NDUFS1: variants seen among roughly 807,000 people sequenced by gnomAD.
NDUFS1 encodes NADH:ubiquinone oxidoreductase core subunit S1, also known as NADH-ubiquinone oxidoreductase 75 kDa subunit, mitochondrial.
A neutral mutation model predicts 84.4 loss-of-function variants in NDUFS1; 61 were observed. The observed-to-expected ratio is 0.72, with a 90% confidence interval of 0.59 to 0.89. The LOEUF is 0.89. Among genes scored for constraint, NDUFS1 ranks in the 40% least tolerant of loss-of-function variants. NDUFS1 has a pLI of 0.00. For missense variants in NDUFS1, 891 were observed against 890.0 expected, an observed-to-expected ratio of 1.00 and a Z score of -0.01; for synonymous variants, 275 against 290.0, an observed-to-expected ratio of 0.95 and a Z score of 0.53.
At chr2:206,147,225 A>G in intron 7 of NDUFS1, 137 bp from the exon 8 acceptor site, 1 of 907,744 alleles carries the variant, frequency 1.1e-6, no homozygotes, top group Non-Finnish European at 1.7e-6. Context: ...CAGTCCTAGA[A>G]TAAAAAATAA....
In NDUFS1 at chr2:206,152,516, C is replaced by T. The variant is rs1692410893; in HGVS notation, c.62-6G>A. On this transcript the variant is annotated splice_region_variant and splice_polypyrimidine_tract_variant and intron_variant, in intron 2 of 18. Transcript: ENST00000233190. Reference sequence around the variant, plus strand: ...TGCTGTGGCAGTTGTTCGAACTGACCATCAAAGATATTGAAGCGAAAAACA... The same window carrying T: ...TGCTGTGGCAGTTGTTCGAACTGACTATCAAAGATATTGAAGCGAAAAACA... The T allele has an allele frequency of 6.2e-7, 1 of 1,612,598 alleles. No individual in the cohort carries two copies. Among genetic ancestry groups the T allele is most frequent in the Non-Finnish European group, 8.5e-7 (1 of 1,178,884 alleles).
chr2:206,125,733 T>C (rs2105942471), intron 18 of NDUFS1, among the ~76,000 whole-genome samples: 1 of 152,060 alleles, frequency 6.6e-6, no homozygotes, highest in South Asian at 2.1e-4. Context: ...CAGGGATTTG[T>C]TGTACAGAAT....
intron 12 of NDUFS1, among the ~76,000 whole-genome samples, chr2:206,139,644 GA>G (rs891046062): frequency 1.3e-4 from 19 of 151,750 alleles, no homozygotes; most frequent in African/African-American, 4.6e-4. Flanking sequence ...CCACAGCAGG[GA>G]ACTATGGCTC....
rs1690944770 is a variant in NDUFS1 at position 206,116,437 on chromosome 2, G to T, written c.*7748C>A. ...GGCCTCGATAGGCAGGGCGCGGCAG[G>T]TGCCAGGACCACGTGCAGGCTGCAG... On this transcript the variant is annotated 3_prime_UTR_variant, in exon 19 of 19. Coordinates refer to ENST00000233190, the MANE Select transcript of NDUFS1 (RefSeq NM_005006.7). The T allele has an allele frequency of 2.0e-5, 18 of 885,288 alleles. No individual in the cohort carries two copies. Among genetic ancestry groups the T allele is most frequent in the South Asian group, 2.0e-4 (14 of 71,190 alleles). 54.8% of individuals were successfully genotyped at this position (885,288 alleles called of 1,614,324 possible).
intron 1 of NDUFS1, among the ~76,000 whole-genome samples, chr2:206,154,716 C>T (rs1169896772): frequency 9.9e-5 from 15 of 152,238 alleles, no homozygotes; most frequent in Admixed American, 2.6e-4. Context: ...CTCCACCGCC[C>T]GGATTAAAGC....
rs1691585240 is a variant in NDUFS1 at position 206,133,267 on chromosome 2, T to C, written c.1393-162A>G. ...ACAGACACACATATACAACCAGATTTAGTTTAATCCAAAGCATCTTGCCAA... is the reference window on the plus strand; with the variant it reads ...ACAGACACACATATACAACCAGATTCAGTTTAATCCAAAGCATCTTGCCAA... On this transcript the variant is annotated intron_variant, in intron 13 of 18. Transcript: ENST00000233190. 2.0e-5 allele frequency among the ~76,000 whole-genome samples: 3 copies of C among 152,228 alleles called. No homozygotes were observed. In the South Asian group the frequency reaches 6.2e-4, roughly 32 times the overall value.
Position 206,142,779 on chromosome 2 carries a change from T to C in NDUFS1, c.1040A>G (p.Asp347Gly). The change falls in exon 11 of 19, where the codon GAT becomes GGT. Residue 347 changes from aspartate (D) to glycine (G), a missense_variant. Asp to Gly is a moderately conservative substitution (Grantham distance 94). Transcript: ENST00000233190. ...TTTGAGAGCTACCAGGGCTTCAGCA[T>C]CCACCAAGCCACCTGCAATTGCTGC... Reference protein sequence around the residue: ...DVAAIAGGLVDAEALVALKDL... With the variant: ...DVAAIAGGLVGAEALVALKDL... 6.2e-7 allele frequency: 1 copy of C among 1,614,160 alleles called. No individual in the cohort carries two copies. Among genetic ancestry groups the C allele is most frequent in the Non-Finnish European group, 8.5e-7 (1 of 1,180,028 alleles).
chr2:206,136,545 A>C, intron 13 of NDUFS1, among the ~76,000 whole-genome samples: 1 of 140,390 alleles, frequency 7.1e-6, no homozygotes, highest in Non-Finnish European at 1.5e-5. Flanking sequence ...GCGATTCTCC[A>C]CCCTCAGGCT....
Position 206,138,714 on chromosome 2 carries a change from T to G in NDUFS1, c.1263-100A>C. On this transcript the variant is annotated intron_variant, in intron 12 of 18. Transcript: ENST00000233190. ...ACATCTATTTACTATTACAAAATGT[T>G]AAAAGCACAGACAATACATTTAACA... 4.7e-6 allele frequency: 6 copies of G among 1,264,714 alleles called. No homozygotes were observed. In the South Asian group the frequency reaches 4.8e-5, roughly 10 times the overall value. The allele number at this position is 1,264,714 out of a possible 1,614,324, so 78.3% of individuals were successfully genotyped here.
intron 13 of NDUFS1, among the ~76,000 whole-genome samples, chr2:206,135,099 A>T (rs1691659227): frequency 6.6e-6 from 1 of 151,262 alleles, no homozygotes; most frequent in South Asian, 2.1e-4. Context: ...GCTCACTGTG[A>T]CCTCCACCTC....
chr2:206,116,240 G>A lies in NDUFS1; in HGVS notation c.*7945C>T, dbSNP rs2105932333. 3.3e-6 allele frequency: 4 copies of A among 1,198,010 alleles called. 1 individual carries two copies. In the South Asian group the frequency reaches 4.8e-5, roughly 15 times the overall value. 74.2% of individuals were successfully genotyped at this position (1,198,010 alleles called of 1,614,324 possible). Reference sequence around the variant, plus strand: ...ATAACGAGATTTGTTTACAAGTCCTGGATTTTCTGCAAGAGCTTCATTAAT... The same window carrying A: ...ATAACGAGATTTGTTTACAAGTCCTAGATTTTCTGCAAGAGCTTCATTAAT... On this transcript the variant is annotated 3_prime_UTR_variant, in exon 19 of 19. Coordinates refer to ENST00000233190, the MANE Select transcript of NDUFS1 (RefSeq NM_005006.7).
Position 206,142,737 on chromosome 2 carries a change from A to G in NDUFS1, c.1082T>C (p.Val361Ala). Residue 361 changes from valine (V) to alanine (A), a missense_variant, in exon 11 of 19, where the codon GTG (valine) becomes GCG (alanine). Physicochemically the swap from Val to Ala is moderately conservative, Grantham distance 64. Transcript: ENST00000233190. ...LVALKDLLNR[V>A]DSDTLCTEEV... The stretch of plus-strand genomic sequence containing the variant: ...TTCAGTGCATAAGGTGTCAGAGTCC[A>G]CTCTATTAAGCAAATCTTTGAGAGC... 6.2e-7 allele frequency: 1 copy of G among 1,614,086 alleles called. No individual in the cohort carries two copies. Among genetic ancestry groups the G allele is most frequent in the Non-Finnish European group, 8.5e-7 (1 of 1,180,012 alleles).
rs1691063864 is a variant in NDUFS1 at position 206,120,419 on chromosome 2, C to G, written c.*3766G>C. 6.6e-6 allele frequency: 1 copy of G among 152,094 alleles called. No homozygotes were observed. The highest frequency in any genetic ancestry group is 2.1e-4 in the South Asian group (1 of 4,824). The allele number at this position is 152,094 out of a possible 1,614,324, so 9.4% of individuals were successfully genotyped here. A position where few individuals can be genotyped will look rare whatever the true frequency, so the allele number is the denominator to read the frequency against. On this transcript the variant is annotated 3_prime_UTR_variant, in exon 19 of 19. Transcript: ENST00000233190. ...TAGAGACTAGTTAAGTGGTTGTGAC[C>G]AAAATGCTGATAGACATATGGTGAA...
At position 206,147,829 on chromosome 2, in the gene NDUFS1, C is replaced by T. The variant is rs1692218800; in HGVS notation, c.344G>A (p.Gly115Asp). The change falls in exon 6 of 19, where the codon GGT (glycine) becomes GAT (aspartate). Residue 115 changes from glycine (G) to aspartate (D), a missense_variant. By Grantham distance (94) the Gly-to-Asp change is moderately conservative. Transcript: ENST00000233190. ...ATTTGCTAATAAGAACTCCATCACA[C>T]CTTCCCTGTATGAAAATTGTAACAT... Reference protein sequence around the residue: ...NSEKSKKAREGVMEFLLANHP... With the variant: ...NSEKSKKAREDVMEFLLANHP... The T allele has an allele frequency of 1.2e-6, 2 of 1,613,302 alleles. No individual in the cohort carries two copies. Among genetic ancestry groups the T allele is most frequent in the Non-Finnish European group, 1.7e-6 (2 of 1,179,252 alleles).
chr2:206,150,076 C>A, intron 3 of NDUFS1, 151 bp from the exon 4 acceptor site: 1 of 652,074 alleles, frequency 1.5e-6, no homozygotes, highest in Non-Finnish European at 2.6e-6. Context: ...TATTTCAGTC[C>A]CTTTCTTTGC....
rs1368896204 is a variant in NDUFS1 at position 206,147,092 on chromosome 2, C to T, written c.552-4G>A. 6 of 1,613,986 alleles carry T rather than the reference C, an allele frequency of 3.7e-6. No homozygotes were observed. In the South Asian group the frequency reaches 5.5e-5, roughly 15 times the overall value. The stretch of plus-strand genomic sequence containing the variant: ...TCCTGCAATCTCACTTGCAAACCTA[C>T]AAGATAAAAAATGTGTCATCAATGG... On this transcript the variant is annotated splice_polypyrimidine_tract_variant and splice_region_variant and intron_variant, in intron 7 of 18. Transcript: ENST00000233190.
At chr2:206,144,201 A>G in intron 9 of NDUFS1, 69 bp from the exon 10 acceptor site, 1 of 1,189,416 alleles carries the variant, frequency 8.4e-7, no homozygotes, top group Non-Finnish European at 1.3e-6. Flanking sequence ...AAGTTAAATC[A>G]ACAAGAAATG....
intron 14 of NDUFS1, among the ~76,000 whole-genome samples, 166 bp from the exon 15 acceptor site, chr2:206,130,408 G>C (rs945265501): frequency 5.3e-5 from 8 of 151,028 alleles, no homozygotes; most frequent in Admixed American, 4.6e-4. Context: ...AGGCTGGAGC[G>C]CAGTGGCGTG....
intron 12 of NDUFS1, among the ~76,000 whole-genome samples, chr2:206,141,528 T>G (rs768666460): frequency 1.5e-4 from 22 of 148,966 alleles, no homozygotes; most frequent in Admixed American, 2.7e-4. Context: ...CGAGACTCTG[T>G]CTCAAAGACA....
Sources: gnomAD v4.1 joint callset for allele counts (sites outside exome capture counted in the v4.1 genomes callset) on GRCh38, gnomAD v4.1.1 for gene constraint, MANE v1.5 for transcripts, NCBI Gene and HGNC (gene_info 2026-07-23, HGNC 2026-07-21) for gene names.